The following COL19A1 variants were observed in gnomAD, a reference collection of about 807,000 sequenced individuals.
The protein encoded by COL19A1 is collagen alpha-1(XIX) chain.
In COL19A1, 159 loss-of-function variants were observed where a neutral mutation model predicts 190.2. The observed-to-expected ratio is 0.84, with a 90% CI of 0.73 to 0.95. COL19A1 has a LOEUF of 0.95. Among genes scored for constraint, COL19A1 ranks in the 40% least tolerant of loss-of-function variants. COL19A1 has a pLI of 0.00. For synonymous variants in COL19A1, 509 were observed against 458.9 expected, an observed-to-expected ratio of 1.11 and a Z score of -1.39; for missense variants, 1,418 against 1,431.9, an observed-to-expected ratio of 0.99 and a Z score of 0.16.
In COL19A1 at chr6:69,927,968, G is replaced by A. The variant is rs144384309; in HGVS notation, c.326G>A (p.Arg109Gln). Residue 109 changes from arginine to glutamine, a missense_variant, in exon 5 of 51, where the codon CGA (arginine) becomes CAA (glutamine). Coordinates refer to ENST00000620364, the MANE Select transcript of COL19A1 (RefSeq NM_001858.6). ...TCAGTAGCTGCCATGTTTCGAGTACGAAGAAACGCCAAAAAGGAACGGTGG... is the reference window on the plus strand; with the variant it reads ...TCAGTAGCTGCCATGTTTCGAGTACAAAGAAACGCCAAAAAGGAACGGTGG... Reference protein sequence around the residue: ...EYSVAAMFRVRRNAKKERWFL... With the variant: ...EYSVAAMFRVQRNAKKERWFL... 98 of 1,613,414 alleles carry A rather than the reference G, an allele frequency of 6.1e-5. No homozygotes were observed. The Middle Eastern group carries it at 6.6e-4, about 11-fold the overall frequency.
intron 2 of COL19A1, among the ~76,000 whole-genome samples, chr6:69,887,473 A>G (rs1056476877): frequency 1.3e-5 from 2 of 152,150 alleles, no homozygotes; most frequent in African/African-American, 4.8e-5. Context: ...ATTTCTATGG[A>G]TATATTTATA....
intron 16 of COL19A1, among the ~76,000 whole-genome samples, chr6:70,120,638 A>G (rs1784834020): frequency 6.6e-6 from 1 of 152,216 alleles, no homozygotes; most frequent in Admixed American, 6.5e-5. Flanking sequence ...TCAGCATGGT[A>G]ACAGCATCGT....
Position 69,956,118 on chromosome 6 carries a change from C to T in COL19A1, c.937-3878C>T, listed in dbSNP as rs3805969. Among the ~76,000 whole-genome samples, 832 of 152,048 alleles carry T rather than the reference C, an allele frequency of 5.5e-3. 19 individuals carry two copies. In the East Asian group the frequency reaches 0.068, roughly 13 times the overall value. ...GCACCTGTATATACATACATACACA[C>T]ATATACATATACACTCAGGATAATA... On this transcript the variant is annotated intron_variant, in intron 9 of 50. Coordinates refer to ENST00000620364, the MANE Select transcript of COL19A1 (RefSeq NM_001858.6).
chr6:70,002,625 T>G (rs1777334078), intron 11 of COL19A1, among the ~76,000 whole-genome samples: 1 of 150,612 alleles, frequency 6.6e-6, no homozygotes, highest in African/African-American at 2.4e-5. Flanking sequence ...ATATATCTAT[T>G]TCTTCTAGAT....
At chr6:69,998,224 A>G (rs1459231247) in intron 11 of COL19A1, among the ~76,000 whole-genome samples, 3 of 152,246 alleles carry the variant, frequency 2.0e-5, no homozygotes, top group Admixed American at 2.0e-4. Flanking sequence ...TTGCTAAAGA[A>G]GTCCCACATG....
In COL19A1 at chr6:69,999,075, C is replaced by A. The variant is rs538650214; in HGVS notation, c.1027-24552C>A. Among the ~76,000 whole-genome samples, 410 of 151,502 alleles carry A rather than the reference C, an allele frequency of 2.7e-3. 3 individuals are homozygous for A. Among genetic ancestry groups the A allele is most frequent in the African/African-American group, 9.2e-3 (379 of 41,156 alleles). ...GAGTAGCTGGGATCACAGGTGCACA[C>A]CACCACACTCGGATAATTGTTCTAT... On this transcript the variant is annotated intron_variant, in intron 11 of 50. Coordinates refer to ENST00000620364, the MANE Select transcript of COL19A1 (RefSeq NM_001858.6).
chr6:70,159,944 T>C (rs1477932665), intron 34 of COL19A1, among the ~76,000 whole-genome samples: 1 of 152,086 alleles, frequency 6.6e-6, no homozygotes, highest in African/African-American at 2.4e-5. Flanking sequence ...CAAAAGCATA[T>C]TTTAAAATAG....
chr6:69,994,242 G>A (rs1240404353), intron 11 of COL19A1, among the ~76,000 whole-genome samples: 1 of 152,126 alleles, frequency 6.6e-6, no homozygotes, highest in Non-Finnish European at 1.5e-5. Context: ...GCTCCAAAAA[G>A]TTGTGATTTT....
At chr6:69,988,328 G>C (rs1776420561) in intron 11 of COL19A1, among the ~76,000 whole-genome samples, 3 of 151,984 alleles carry the variant, frequency 2.0e-5, no homozygotes, top group East Asian at 1.9e-4. Context: ...AGTAATATAG[G>C]CCAAAAGATA....
intron 49 of COL19A1, 95 bp from the exon 50 acceptor site, chr6:70,206,806 C>T: frequency 9.8e-7 from 1 of 1,018,730 alleles, no homozygotes; most frequent in Non-Finnish European, 1.4e-6. Context: ...AAATGTATCA[C>T]ATAATTATCA....
At chr6:69,981,575 G>T (rs1361034295) in intron 11 of COL19A1, among the ~76,000 whole-genome samples, 1 of 151,788 alleles carries the variant, frequency 6.6e-6, no homozygotes, top group Non-Finnish European at 1.5e-5. Context: ...TCCAGAAAAG[G>T]AGTAAAAGAA....
rs77537394 is a variant in COL19A1, at chr6:69,978,696, G to A, written c.1026+15826G>A. Among the ~76,000 whole-genome samples, 862 of 151,360 alleles carry A rather than the reference G, an allele frequency of 5.7e-3. 19 individuals carry two copies. In the East Asian group the frequency reaches 0.069, roughly 12 times the overall value. ...TTATATAATAATAATAAATAGCCCCGAAACAAAATAGTAGATGGGAATTAA... is the reference window on the plus strand; with the variant it reads ...TTATATAATAATAATAAATAGCCCCAAAACAAAATAGTAGATGGGAATTAA... On this transcript the variant is annotated intron_variant, in intron 11 of 50. Transcript: ENST00000620364.
At chr6:69,913,730 G>A (rs1183984898) in intron 4 of COL19A1, among the ~76,000 whole-genome samples, 6 of 152,096 alleles carry the variant, frequency 3.9e-5, no homozygotes, top group Non-Finnish European at 7.4e-5. Flanking sequence ...CTGGCATGAG[G>A]GGTTTGAACT....
chr6:70,105,815 A>G (rs956835549), intron 16 of COL19A1, among the ~76,000 whole-genome samples: 2 of 152,150 alleles, frequency 1.3e-5, no homozygotes, highest in African/African-American at 4.8e-5. Context: ...TGTGAAATGT[A>G]TTTTTTAAAA....
intron 33 of COL19A1, 94 bp from the exon 34 acceptor site, chr6:70,156,576 T>C: frequency 7.3e-7 from 1 of 1,367,508 alleles, no homozygotes; most frequent in Non-Finnish European, 1.0e-6. Context: ...CTGTCCAAAT[T>C]ACATGCCCCA....
At chr6:70,010,221 C>A (rs1189606834) in intron 11 of COL19A1, among the ~76,000 whole-genome samples, 1 of 152,000 alleles carries the variant, frequency 6.6e-6, no homozygotes, top group Non-Finnish European at 1.5e-5. Flanking sequence ...AACAAACAAT[C>A]CAATTTTTAA....
intron 9 of COL19A1, among the ~76,000 whole-genome samples, chr6:69,941,045 A>G (rs2150024819): frequency 6.6e-6 from 1 of 152,304 alleles, no homozygotes; most frequent in Middle Eastern, 3.4e-3. Flanking sequence ...TTTTTGCTCT[A>G]AGGCATATTC....
At chr6:69,957,912 A>G (rs1774523884) in intron 9 of COL19A1, among the ~76,000 whole-genome samples, 2 of 152,182 alleles carry the variant, frequency 1.3e-5, no homozygotes, top group Non-Finnish European at 2.9e-5. Flanking sequence ...CCTATGAGAT[A>G]ATCAGTGATG....
At chr6:70,106,493 TG>T (rs1783977102) in intron 16 of COL19A1, among the ~76,000 whole-genome samples, 1 of 152,214 alleles carries the variant, frequency 6.6e-6, no homozygotes, top group Non-Finnish European at 1.5e-5. Context: ...CAGTGTTTCA[TG>T]GAAAGTCATG....
Sources: gnomAD v4.1 joint callset for allele counts (sites outside exome capture counted in the v4.1 genomes callset) on GRCh38, gnomAD v4.1.1 for gene constraint, MANE v1.5 for transcripts, NCBI Gene and HGNC (gene_info 2026-07-23, HGNC 2026-07-21) for gene names.